The following AGMO variants were observed in gnomAD, a reference collection of about 807,000 sequenced individuals.
The protein encoded by AGMO is alkylglycerol monooxygenase, also known as glyceryl-ether monooxygenase.
AGMO carries 75 observed loss-of-function variants against 60.2 expected under a neutral mutation model. That is an observed-to-expected ratio of 1.25 (90% CI 1.03 to 1.51). The LOEUF (loss-of-function observed/expected upper bound fraction) is 1.51, where lower values mean the gene tolerates loss of function less well. Among genes scored for constraint, AGMO ranks in the 40% most tolerant of loss-of-function variants. The pLI is 0.00. For synonymous variants in AGMO, 261 were observed against 177.1 expected (o/e 1.47, Z -3.76); for missense variants, 763 against 525.5 (o/e 1.45, Z -4.42).
intron 12 of AGMO, among the ~76,000 whole-genome samples, chr7:15,347,343 T>A (rs12538644): frequency 0.081 from 12,367 of 152,054 alleles, 649 homozygotes; most frequent in Non-Finnish European, 0.1. Context: ...AACTAGATAA[T>A]TAGGTTTCTC....
At position 15,387,457 on chromosome 7, in the gene AGMO, C is replaced by T. The variant is rs146427149; in HGVS notation, c.906G>A (p.Pro302=). ...FNKFSVIFKG[P]GWGPGKPRLG... The stretch of plus-strand genomic sequence containing the variant: ...GTCTTGGTTTACCTGGACCCCATCC[C>T]GGTCCCTTAAATATGACAGAAAACT... The change falls in exon 9 of 13, where the codon CCG becomes CCA. Residue 302 remains proline, a synonymous_variant. Coordinates refer to ENST00000342526, the MANE Select transcript of AGMO (RefSeq NM_001004320.2). 7.3e-5 allele frequency: 118 copies of T among 1,613,878 alleles called. No individual in the cohort carries two copies. In the African/African-American group the frequency reaches 1.1e-3, roughly 15 times the overall value.
intron 2 of AGMO, 43 bp from the exon 3 acceptor site, chr7:15,544,966 G>C (rs770419379): frequency 5.9e-6 from 8 of 1,351,232 alleles, no homozygotes; most frequent in African/African-American, 1.5e-5. Context: ...TAACATTTTA[G>C]AAAAAAAATT....
Position 15,272,652 on chromosome 7 carries a change from G to C in AGMO, c.1264-71293C>G, listed in dbSNP as rs1563064233. On this transcript the variant is annotated intron_variant, in intron 12 of 12. Coordinates refer to ENST00000342526, the MANE Select transcript of AGMO (RefSeq NM_001004320.2). Reference sequence around the variant, plus strand: ...TCCTTTGGGTATATACCCAGTAATGGGATGGCTGGGTCAAATGGTATTTCT... The same window carrying C: ...TCCTTTGGGTATATACCCAGTAATGCGATGGCTGGGTCAAATGGTATTTCT... Among the ~76,000 whole-genome samples the C allele has an allele frequency of 2.6e-5, 4 of 152,066 alleles. No homozygotes were observed. In the South Asian group the frequency reaches 8.3e-4, roughly 32 times the overall value.
intron 5 of AGMO, among the ~76,000 whole-genome samples, chr7:15,399,279 A>G (rs1465927475): frequency 2.7e-5 from 4 of 149,534 alleles, no homozygotes; most frequent in Non-Finnish European, 4.4e-5. Context: ...CACCTATGAT[A>G]TTTTTCTGGG....
At chr7:15,283,210 G>C (rs1299417565) in intron 12 of AGMO, among the ~76,000 whole-genome samples, 1 of 151,942 alleles carries the variant, frequency 6.6e-6, no homozygotes, top group East Asian at 1.9e-4. Flanking sequence ...ATAACATTTT[G>C]CCTGAAATAA....
the AGMO span, among the ~76,000 whole-genome samples, chr7:15,132,547 G>A: frequency 2.0e-5 from 3 of 152,004 alleles, no homozygotes; most frequent in African/African-American, 7.3e-5. Context: ...TTCCAATAAG[G>A]CATAAACAAA....
chr7:15,328,082 C>T (rs1480515933), intron 12 of AGMO, among the ~76,000 whole-genome samples: 1 of 151,594 alleles, frequency 6.6e-6, no homozygotes, highest in Non-Finnish European at 1.5e-5. Flanking sequence ...GGTCAATACA[C>T]TGAGTCCTTC....
At chr7:15,526,645 C>T (rs1048408889) in intron 3 of AGMO, among the ~76,000 whole-genome samples, 1 of 152,092 alleles carries the variant, frequency 6.6e-6, no homozygotes, top group African/African-American at 2.4e-5. Flanking sequence ...TCAGAATAAA[C>T]CTATTTTAAA....
intron 3 of AGMO, among the ~76,000 whole-genome samples, chr7:15,436,113 G>A (rs905042285): frequency 6.6e-6 from 1 of 152,120 alleles, no homozygotes; most frequent in Non-Finnish European, 1.5e-5. Context: ...TTGCAAAATG[G>A]TAGTGATGCT....
rs534763570 is a variant in AGMO at position 15,407,663 on chromosome 7, C to A, written c.609+10895G>T. Reference sequence around the variant, plus strand: ...ATTTAACTCTAGCAATAATTATCAACAATCAATAGAATTTTTTATTTAAAT... The same window carrying A: ...ATTTAACTCTAGCAATAATTATCAAAAATCAATAGAATTTTTTATTTAAAT... On this transcript the variant is annotated intron_variant, in intron 5 of 12. Coordinates refer to ENST00000342526, the MANE Select transcript of AGMO (RefSeq NM_001004320.2). 2.6e-5 allele frequency among the ~76,000 whole-genome samples: 4 copies of A among 151,880 alleles called. No homozygotes were observed. The South Asian group carries it at 8.3e-4, about 32-fold the overall frequency.
At chr7:15,450,878 A>C (rs950946744) in intron 3 of AGMO, among the ~76,000 whole-genome samples, 1 of 152,166 alleles carries the variant, frequency 6.6e-6, no homozygotes, top group Non-Finnish European at 1.5e-5. Flanking sequence ...GAATATTAAT[A>C]ATAAAATTAA....
At chr7:15,149,818 A>G in the AGMO span, among the ~76,000 whole-genome samples, 1 of 152,008 alleles carries the variant, frequency 6.6e-6, no homozygotes, top group East Asian at 1.9e-4. Flanking sequence ...TTTTATATGT[A>G]TTTTAGAATA....
At chr7:15,236,226 G>C (rs1018347691) in intron 12 of AGMO, among the ~76,000 whole-genome samples, 3 of 151,932 alleles carry the variant, frequency 2.0e-5, no homozygotes, top group Non-Finnish European at 4.4e-5. Flanking sequence ...TATCAGTTTG[G>C]GGTGGTTGAA....
Position 15,315,175 on chromosome 7 carries a change from T to C in AGMO, c.1263+50339A>G, listed in dbSNP as rs73679468. Among the ~76,000 whole-genome samples, 484 of 152,070 alleles carry C rather than the reference T, an allele frequency of 3.2e-3. 4 individuals carry two copies. The highest frequency in any genetic ancestry group is 0.011 in the African/African-American group (457 of 41,478). On this transcript the variant is annotated intron_variant, in intron 12 of 12. Transcript: ENST00000342526. The stretch of plus-strand genomic sequence containing the variant: ...TTGACGTACAAAGACTTCTGGCACA[T>C]AGAGGTATGAAATAATGAATTTGTG...
At position 15,515,482 on chromosome 7, in the gene AGMO, G is replaced by C. The variant is rs79378318; in HGVS notation, c.409+29290C>G. Among the ~76,000 whole-genome samples, 1,187 of 152,336 alleles carry C rather than the reference G, an allele frequency of 7.8e-3. 18 individuals carry two copies. Among genetic ancestry groups the C allele is most frequent in the African/African-American group, 0.027 (1,127 of 41,580 alleles). On this transcript the variant is annotated intron_variant, in intron 3 of 12. Coordinates refer to ENST00000342526, the MANE Select transcript of AGMO (RefSeq NM_001004320.2). ...AGAGCCCGTTAAATCCCTGGAATTA[G>C]AATGTGCTTTGTTGTCATTCCCGTG...
intron 3 of AGMO, among the ~76,000 whole-genome samples, chr7:15,540,270 A>G (rs952591705): frequency 1.3e-5 from 2 of 152,200 alleles, no homozygotes; most frequent in African/African-American, 4.8e-5. Flanking sequence ...TCTGTTGGTG[A>G]CAGAGAAACT....
At chr7:15,350,817 A>G (rs554593593) in intron 12 of AGMO, among the ~76,000 whole-genome samples, 3 of 152,304 alleles carry the variant, frequency 2.0e-5, no homozygotes, top group Admixed American at 6.5e-5. Context: ...ATCTTAATAA[A>G]AGGAAGTTTG....
intron 5 of AGMO, among the ~76,000 whole-genome samples, chr7:15,412,805 T>A (rs1236185551): frequency 6.6e-6 from 1 of 150,792 alleles, no homozygotes; most frequent in East Asian, 2.0e-4. Flanking sequence ...TAACAATGTA[T>A]AAGTCAAAGT....
intron 12 of AGMO, among the ~76,000 whole-genome samples, chr7:15,327,352 A>G (rs1427521714): frequency 6.6e-6 from 1 of 152,206 alleles, no homozygotes; most frequent in Non-Finnish European, 1.5e-5. Context: ...ATCTTGGGAT[A>G]TGGCAAATTA....
Sources: allele counts gnomAD v4.1 joint callset (sites outside exome capture counted in the v4.1 genomes callset), GRCh38; gene constraint gnomAD v4.1.1; transcripts MANE v1.5; gene names NCBI Gene and HGNC (gene_info 2026-07-23, HGNC 2026-07-21).